Variants in CD302 observed in about 807,000 individuals in gnomAD.
CD302 encodes CD302 antigen.
In CD302, 23 loss-of-function variants were observed where a neutral mutation model predicts 26.5. The ratio of observed to expected loss-of-function variants is 0.87; its 90% confidence interval spans 0.62 to 1.23. The LOEUF (loss-of-function observed/expected upper bound fraction) is 1.23, where lower values mean the gene tolerates loss of function less well. Ranked by LOEUF, CD302 falls within the 50% of genes most tolerant of loss-of-function variation. CD302 has a pLI of 0.00. For missense variants in CD302, 290 were observed against 275.5 expected (o/e 1.05, Z -0.37); for synonymous variants, 90 against 99.4 (o/e 0.91, Z 0.56).
chr2:159,792,420 CTCTGTGTGTGTGTGTG>C (rs1026259580), intron 1 of CD302, among the ~76,000 whole-genome samples: 2 of 97,632 alleles, frequency 2.0e-5, no homozygotes, highest in Admixed American at 2.2e-4. Flanking sequence ...AGAGAACCAA[CTCTGTGTGTGTGTGTG>C]TGTGTGTGTG....
chr2:159,786,332 CTTTTTT>C (rs56163054), intron 1 of CD302, among the ~76,000 whole-genome samples: 9 of 112,676 alleles, frequency 8.0e-5, no homozygotes, highest in Non-Finnish European at 1.4e-4. Flanking sequence ...TTGTCTTTTT[CTTTTTT>C]TTTTTTTTTT....
chr2:159,793,241 T>A (rs1560051762), intron 1 of CD302, among the ~76,000 whole-genome samples: 1 of 152,176 alleles, frequency 6.6e-6, no homozygotes, highest in Non-Finnish European at 1.5e-5. Context: ...CGTACAGAAA[T>A]TCAGGAGCCT....
intron 1 of CD302, among the ~76,000 whole-genome samples, chr2:159,791,016 C>G (rs912923975): frequency 6.6e-6 from 1 of 152,152 alleles, no homozygotes; most frequent in African/African-American, 2.4e-5. Context: ...TAAATTAAAA[C>G]GATCTGAAGA....
intron 5 of CD302, among the ~76,000 whole-genome samples, chr2:159,775,177 C>T (rs1310411377): frequency 2.6e-5 from 4 of 152,166 alleles, no homozygotes; most frequent in Non-Finnish European, 5.9e-5. Context: ...TGCTTGAGAG[C>T]AGAGGCTTTT....
chr2:159,773,191 T>C (rs920543247), intron 5 of CD302, among the ~76,000 whole-genome samples: 1 of 152,214 alleles, frequency 6.6e-6, no homozygotes, highest in Non-Finnish European at 1.5e-5. Context: ...AATTTTTGTA[T>C]TTTTAGTAGA....
chr2:159,770,187 C>T lies in CD302; in HGVS notation c.*1664G>A, dbSNP rs1560037299. The T allele has an allele frequency of 6.6e-6, 1 of 152,028 alleles. No homozygotes were observed. Among genetic ancestry groups the T allele is most frequent in the East Asian group, 1.9e-4 (1 of 5,182 alleles). The allele number at this position is 152,028 out of a possible 1,614,324, so 9.4% of individuals were successfully genotyped here. On this transcript the variant is annotated 3_prime_UTR_variant, in exon 6 of 6. Transcript: ENST00000259053. ...GTACAATTTGGGTAGGAAAACCAGGCAGGAATTCCAGGGTAGTGTTCAATA... is the reference window on the plus strand; with the variant it reads ...GTACAATTTGGGTAGGAAAACCAGGTAGGAATTCCAGGGTAGTGTTCAATA...
intron 1 of CD302, among the ~76,000 whole-genome samples, chr2:159,796,504 C>A (rs1045435740): frequency 1.3e-5 from 2 of 152,146 alleles, no homozygotes; most frequent in Non-Finnish European, 2.9e-5. Context: ...CTCCCAATAG[C>A]CCCATGAGTA....
intron 1 of CD302, among the ~76,000 whole-genome samples, chr2:159,795,352 C>T (rs1476875316): frequency 2.6e-5 from 4 of 152,036 alleles, no homozygotes; most frequent in Non-Finnish European, 5.9e-5. Context: ...ATCCACTTAT[C>T]CTACCTACTT....
At position 159,769,381 on chromosome 2, in the gene CD302, G is replaced by C. The variant is rs535380873; in HGVS notation, c.*2470C>G. 6.6e-6 allele frequency: 1 copy of C among 152,178 alleles called. No individual in the cohort carries two copies. The highest frequency in any genetic ancestry group is 2.4e-5 in the African/African-American group (1 of 41,416). 9.4% of individuals were successfully genotyped at this position (152,178 alleles called of 1,614,324 possible). A position where few individuals can be genotyped will look rare whatever the true frequency, so the allele number is the denominator to read the frequency against. On this transcript the variant is annotated 3_prime_UTR_variant, in exon 6 of 6. Transcript: ENST00000259053. Reference sequence around the variant, plus strand: ...ATGTAGGCCAAGTGTGGTGGCTCACGCATGTAATCCCAGCACTTTGGGAGA... The same window carrying C: ...ATGTAGGCCAAGTGTGGTGGCTCACCCATGTAATCCCAGCACTTTGGGAGA...
intron 5 of CD302, among the ~76,000 whole-genome samples, chr2:159,772,907 T>C (rs1428353872): frequency 2.0e-5 from 3 of 152,174 alleles, no homozygotes; most frequent in Non-Finnish European, 4.4e-5. Flanking sequence ...ACAGGATTTT[T>C]TGGGAGGAGT....
chr2:159,780,624 G>A (rs1196746665), intron 3 of CD302, among the ~76,000 whole-genome samples: 1 of 152,038 alleles, frequency 6.6e-6, no homozygotes, highest in Non-Finnish European at 1.5e-5. Context: ...TTACCTTTAT[G>A]ATCATGCTAT....
rs1306389463 is a variant in CD302 at position 159,798,155 on chromosome 2, C to A, written c.44G>T (p.Gly15Val). 4 of 1,484,558 alleles carry A rather than the reference C, an allele frequency of 2.7e-6. No individual in the cohort carries two copies. The highest frequency in any genetic ancestry group is 2.9e-5 in the East Asian group (1 of 33,938). The allele number at this position is 1,484,558 out of a possible 1,614,324, so 92.0% of individuals were successfully genotyped here. The part of the protein sequence containing the change: ...ALPALLLPLL[G>V]LAAAAVADCP... ...ACCCGCGACGGCAGCAGCGGCGAGGCCCAGCAACGGCAGCAGGAGCGCGGG... is the reference window on the plus strand; with the variant it reads ...ACCCGCGACGGCAGCAGCGGCGAGGACCAGCAACGGCAGCAGGAGCGCGGG... The change falls in exon 1 of 6, where the codon GGC becomes GTC. Residue 15 changes from glycine to valine, a missense_variant. Transcript: ENST00000259053.
chr2:159,775,377 A>G (rs1708280551), intron 5 of CD302, among the ~76,000 whole-genome samples: 1 of 152,228 alleles, frequency 6.6e-6, no homozygotes, highest in African/African-American at 2.4e-5. Context: ...TCTTTCAACT[A>G]TTCGTTTTTG....
chr2:159,775,543 CTTAAAG>C (rs992554866), intron 5 of CD302, among the ~76,000 whole-genome samples: 1 of 152,180 alleles, frequency 6.6e-6, no homozygotes, highest in African/African-American at 2.4e-5. Context: ...ACATCCATTC[CTTAAAG>C]TTAACTACTA....
chr2:159,782,904 C>A (rs987707295), intron 2 of CD302, among the ~76,000 whole-genome samples: 1 of 152,130 alleles, frequency 6.6e-6, no homozygotes, highest in African/African-American at 2.4e-5. Flanking sequence ...ACTTTCCAGG[C>A]AGAATAACTA....
chr2:159,781,848 T>A (rs1708521641), intron 2 of CD302, among the ~76,000 whole-genome samples: 1 of 151,100 alleles, frequency 6.6e-6, no homozygotes, highest in African/African-American at 2.4e-5. Flanking sequence ...TTTAATAAGA[T>A]TAATAACTTT....
intron 1 of CD302, 32 bp downstream of exon 1, chr2:159,798,100 C>T (rs1215847342): frequency 1.8e-5 from 27 of 1,490,462 alleles, no homozygotes; most frequent in African/African-American, 1.5e-5. Flanking sequence ...CGGTCGCGCA[C>T]GGTCCCGGCG....
intron 5 of CD302, among the ~76,000 whole-genome samples, chr2:159,776,746 C>T (rs528213527): frequency 2.9e-5 from 4 of 136,878 alleles, no homozygotes; most frequent in South Asian, 2.3e-4. Flanking sequence ...ACTCTGTCGC[C>T]GAGGCTGGAG....
intron 1 of CD302, among the ~76,000 whole-genome samples, chr2:159,787,948 A>T (rs796270312): frequency 6.6e-5 from 10 of 152,232 alleles, no homozygotes; most frequent in African/African-American, 2.2e-4. Context: ...CTACTAAAAA[A>T]TACAAAAAAT....
Sources: gnomAD v4.1 joint callset for allele counts (sites outside exome capture counted in the v4.1 genomes callset) on GRCh38, gnomAD v4.1.1 for gene constraint, MANE v1.5 for transcripts, NCBI Gene and HGNC (gene_info 2026-07-23, HGNC 2026-07-21) for gene names.